The following CFAP92 variants were observed in gnomAD, a reference collection of about 807,000 sequenced individuals.
CFAP92 encodes cilia and flagella associated protein 92 (putative).
CFAP92 carries 86 observed loss-of-function variants against 106.3 expected under a neutral mutation model. That is an observed-to-expected ratio of 0.81 (90% CI 0.68 to 0.97). The LOEUF (loss-of-function observed/expected upper bound fraction) is 0.97. CFAP92 is among the 50% of genes least tolerant of loss of function. CFAP92 has a pLI of 0.00. For synonymous variants in CFAP92, 477 were observed against 506.4 expected (o/e 0.94, Z 0.78); for missense variants, 1,204 against 1,283.8 (o/e 0.94, Z 0.95).
chr3:128,963,017 AC>A (rs1942065984), intron 9 of CFAP92, among the ~76,000 whole-genome samples: 2 of 152,094 alleles, frequency 1.3e-5, no homozygotes, highest in Admixed American at 1.3e-4. Context: ...ACTTAGACTG[AC>A]CCTGACACCC....
At chr3:128,942,633 C>T (rs1044712143) in intron 10 of CFAP92, among the ~76,000 whole-genome samples, 1 of 152,216 alleles carries the variant, frequency 6.6e-6, no homozygotes, top group Admixed American at 6.5e-5. Flanking sequence ...GCCCAGACTG[C>T]TCCTGGGCCA....
At chr3:128,910,601 A>G (rs1221223621) in intron 15 of CFAP92, 3 of 939,706 alleles carry the variant, frequency 3.2e-6, no homozygotes, top group Non-Finnish European at 5.2e-6. Context: ...TGGAATTAGA[A>G]CCCAAGACGG....
At chr3:129,019,177 AT>A in the CFAP92 span, among the ~76,000 whole-genome samples, 2 of 152,078 alleles carry the variant, frequency 1.3e-5, no homozygotes, top group Non-Finnish European at 2.9e-5. Context: ...TGGCTTTATG[AT>A]TTTTGCCTTT....
At chr3:128,935,455 T>C in intron 10 of CFAP92, 136 bp from the exon 11 acceptor site, 1 of 539,022 alleles carries the variant, frequency 1.9e-6, no homozygotes, top group South Asian at 3.5e-5. Context: ...CTCACGCCTA[T>C]AATCCCAGCA....
intron 12 of CFAP92, among the ~76,000 whole-genome samples, chr3:128,927,752 T>A (rs1937848940): frequency 6.6e-6 from 1 of 151,790 alleles, no homozygotes; most frequent in Admixed American, 6.6e-5. Context: ...TAATTCTATT[T>A]CTATATTATG....
rs1559881194 is a variant in CFAP92, at chr3:128,945,321, C to A, written c.2008G>T (p.Val670Phe). ...TGCAGCAGGCTGTGGAGCAGGGAGA[C>A]CTTCTTAAAGTCAAAGACGAAGATG... Reference protein sequence around the residue: ...RIIFVFDFKKVSLLHSLLQDI... With the variant: ...RIIFVFDFKKFSLLHSLLQDI... The change falls in exon 10 of 16, where the codon GTC becomes TTC. Residue 670 changes from valine to phenylalanine, a missense_variant. Physicochemically the swap from Val to Phe is conservative, Grantham distance 50 (BLOSUM62 -1). Coordinates refer to ENST00000645291, the MANE Select transcript of CFAP92 (RefSeq NM_001394090.1). The A allele has an allele frequency of 2.0e-6, 3 of 1,536,098 alleles. No individual in the cohort carries two copies. Among genetic ancestry groups the A allele is most frequent in the Admixed American group, 2.0e-5 (1 of 50,996 alleles).
At chr3:128,958,545 T>C (rs1941625051) in intron 9 of CFAP92, among the ~76,000 whole-genome samples, 1 of 152,198 alleles carries the variant, frequency 6.6e-6, no homozygotes, top group Non-Finnish European at 1.5e-5. Context: ...TCCGTGAATC[T>C]ATATTTTAAA....
intron 3 of CFAP92, among the ~76,000 whole-genome samples, chr3:128,988,469 G>C (rs1283660345): frequency 3.3e-5 from 5 of 152,080 alleles, no homozygotes; most frequent in Non-Finnish European, 5.9e-5. Flanking sequence ...TGAACCGGGA[G>C]GCAGAGGTTG....
At chr3:129,023,503 T>G in the CFAP92 span, among the ~76,000 whole-genome samples, 3 of 152,064 alleles carry the variant, frequency 2.0e-5, no homozygotes, top group African/African-American at 7.2e-5. Context: ...TAATTTTGGT[T>G]TTGTATTTTT....
At chr3:129,002,068 C>A in intron 1 of CFAP92, 1 of 1,537,584 alleles carries the variant, frequency 6.5e-7, no homozygotes, top group East Asian at 2.5e-5. Flanking sequence ...CAGTTCCACG[C>A]GCGCCTCTGT....
At chr3:128,991,865 G>C in intron 2 of CFAP92, 2 of 987,464 alleles carry the variant, frequency 2.0e-6, no homozygotes, top group Non-Finnish European at 2.4e-6. Flanking sequence ...ACAAAACAAA[G>C]CAAGGTCTAT....
At chr3:128,942,784 C>T (rs1939777596) in intron 10 of CFAP92, among the ~76,000 whole-genome samples, 1 of 152,024 alleles carries the variant, frequency 6.6e-6, no homozygotes, top group Non-Finnish European at 1.5e-5. Flanking sequence ...AGCAATTCTC[C>T]TGCCTCAGCC....
upstream of CFAP92, among the ~76,000 whole-genome samples, chr3:129,005,772 A>G (rs1404608845): frequency 1.3e-5 from 2 of 152,266 alleles, no homozygotes; most frequent in African/African-American, 4.8e-5. Flanking sequence ...GGAGGCCTCC[A>G]AAGAGGCAGA....
At chr3:128,930,803 T>C (rs144066028) in intron 12 of CFAP92, among the ~76,000 whole-genome samples, 215 of 152,278 alleles carry the variant, frequency 1.4e-3, no homozygotes, top group African/African-American at 5.0e-3. Context: ...AACAAAATTA[T>C]ATTAACCCAT....
At chr3:128,957,281 G>T (rs935627071) in intron 9 of CFAP92, among the ~76,000 whole-genome samples, 1 of 152,314 alleles carries the variant, frequency 6.6e-6, no homozygotes, top group South Asian at 2.1e-4. Context: ...TGTTATGTTT[G>T]ACAGTTGAAG....
intron 1 of CFAP92, 66 bp from the exon 2 acceptor site, chr3:128,993,402 G>A: frequency 6.8e-7 from 1 of 1,473,472 alleles, no homozygotes; most frequent in Non-Finnish European, 9.1e-7. Flanking sequence ...GGTAAGCCCG[G>A]CCTCCTGCAG....
chr3:128,985,522 T>A (rs1297163170), intron 4 of CFAP92, among the ~76,000 whole-genome samples: 1 of 152,192 alleles, frequency 6.6e-6, no homozygotes. Context: ...TCCTTCCTTT[T>A]CTGGCCACCA....
intron 9 of CFAP92, among the ~76,000 whole-genome samples, chr3:128,959,692 G>A (rs1335704564): frequency 6.6e-6 from 1 of 152,224 alleles, no homozygotes; most frequent in Non-Finnish European, 1.5e-5. Flanking sequence ...GGAGGTTCAT[G>A]ACCTGCATGT....
rs765657785 is a variant in CFAP92, at chr3:128,910,812, G to A, written c.3281-479C>T. The A allele has an allele frequency of 1.4e-5, 22 of 1,614,060 alleles. No homozygotes were observed. Among genetic ancestry groups the A allele is most frequent in the South Asian group, 1.2e-4 (11 of 91,088 alleles). On this transcript the variant is annotated intron_variant, in intron 15 of 15. Coordinates refer to ENST00000645291, the MANE Select transcript of CFAP92 (RefSeq NM_001394090.1). ...TCTTCAGCCTCTCTCAGCTGGACAAGTGTGAGTGGCATGTCTTGGGGGAGG... is the reference window on the plus strand; with the variant it reads ...TCTTCAGCCTCTCTCAGCTGGACAAATGTGAGTGGCATGTCTTGGGGGAGG...
Sources: allele counts gnomAD v4.1 joint callset (sites outside exome capture counted in the v4.1 genomes callset), GRCh38; gene constraint gnomAD v4.1.1; transcripts MANE v1.5; gene names NCBI Gene and HGNC (gene_info 2026-07-23, HGNC 2026-07-21).